Variants in FOXP1 observed in about 807,000 individuals in gnomAD.
The protein encoded by FOXP1 is forkhead box P1.
Under a neutral mutation model 98.2 loss-of-function variants are expected in FOXP1, and 15 were observed. That is an observed-to-expected ratio of 0.15 (90% CI 0.10 to 0.24). FOXP1 has a LOEUF of 0.24. FOXP1 is among the 10% of genes least tolerant of loss of function. The pLI, the probability that FOXP1 is intolerant of heterozygous loss-of-function variation, is 1.00. For synonymous variants in FOXP1, 371 were observed against 314.5 expected (o/e 1.18, Z -1.90); for missense variants, 633 against 848.5 (o/e 0.75, Z 3.15).
chr3:71,124,135 A>ATT lies in FOXP1; in HGVS notation c.181-11500_181-11499dup, dbSNP rs143622144. On this transcript the variant is annotated intron_variant, in intron 6 of 20. Transcript: ENST00000649528. ...AATTTAAAATAAAAGTTAAAGTTAT[A>ATT]TTTTTTTAAAAAAAAAATGATACAG... is the stretch of plus-strand genomic sequence containing the variant. 7.4e-4 allele frequency among the ~76,000 whole-genome samples: 110 copies of ATT among 148,368 alleles called. No homozygotes were observed. In the South Asian group the frequency reaches 0.023, roughly 30 times the overall value.
intron 3 of FOXP1, among the ~76,000 whole-genome samples, chr3:71,413,861 A>G (rs1169924848): frequency 6.6e-6 from 1 of 152,116 alleles, no homozygotes; most frequent in Non-Finnish European, 1.5e-5. Flanking sequence ...CGTTACCTGT[A>G]GGCACTTTTT....
intron 3 of FOXP1, among the ~76,000 whole-genome samples, chr3:71,468,493 G>C (rs921937881): frequency 1.3e-5 from 2 of 152,104 alleles, no homozygotes; most frequent in East Asian, 1.9e-4. Flanking sequence ...TTAGGTCTCT[G>C]GAGAACAGCG....
At chr3:71,383,015 G>C (rs767402164) in intron 3 of FOXP1, among the ~76,000 whole-genome samples, 1 of 152,136 alleles carries the variant, frequency 6.6e-6, no homozygotes, top group African/African-American at 2.4e-5. Flanking sequence ...CTTCAAGCTT[G>C]GTAGATGTTT....
chr3:71,212,883 C>A (rs72953328), intron 5 of FOXP1, among the ~76,000 whole-genome samples: 15,716 of 151,294 alleles, frequency 0.1, 897 homozygotes, highest in South Asian at 0.23. Context: ...TAGATTGTAT[C>A]ATTTCAGAAA....
At chr3:71,582,196 G>A in intron 1 of FOXP1, 1 of 985,004 alleles carries the variant, frequency 1.0e-6, no homozygotes, top group Non-Finnish European at 1.2e-6. Flanking sequence ...CCGGGACCAA[G>A]GCGGAGCTCA....
intron 2 of FOXP1, among the ~76,000 whole-genome samples, chr3:71,528,961 C>A (rs541071293): frequency 6.6e-6 from 1 of 152,178 alleles, no homozygotes; most frequent in African/African-American, 2.4e-5. Flanking sequence ...AACTAAGAAG[C>A]ATCTCTGGTT....
At chr3:71,378,645 C>T (rs1463478321) in intron 3 of FOXP1, among the ~76,000 whole-genome samples, 4 of 151,720 alleles carry the variant, frequency 2.6e-5, no homozygotes, top group African/African-American at 7.3e-5. Context: ...GCCTCAAAGT[C>T]GAAGAGTAGT....
intron 7 of FOXP1, among the ~76,000 whole-genome samples, chr3:71,077,359 T>C (rs182234898): frequency 1.3e-5 from 2 of 152,338 alleles, no homozygotes; most frequent in East Asian, 3.9e-4. Context: ...CTCTTGTTAA[T>C]TTTTATTTAC....
intron 5 of FOXP1, among the ~76,000 whole-genome samples, chr3:71,212,019 G>C (rs748636729): frequency 6.6e-6 from 1 of 152,134 alleles, no homozygotes. Context: ...ATTAAATTCT[G>C]CTAGAACCTG....
intron 6 of FOXP1, among the ~76,000 whole-genome samples, chr3:71,153,544 A>AG (rs1472415307): frequency 9.1e-6 from 1 of 110,332 alleles, no homozygotes; most frequent in African/African-American, 3.2e-5. Context: ...ACCATGCTTG[A>AG]GAAAAAAAAA....
chr3:71,124,100 T>G (rs1315862098), intron 6 of FOXP1, among the ~76,000 whole-genome samples: 2 of 151,142 alleles, frequency 1.3e-5, no homozygotes, highest in African/African-American at 4.9e-5. Flanking sequence ...AATCTGCACA[T>G]GTACCCATGA....
At chr3:71,546,952 A>C (rs1218645902) in intron 2 of FOXP1, among the ~76,000 whole-genome samples, 2 of 152,204 alleles carry the variant, frequency 1.3e-5, no homozygotes. Flanking sequence ...GGGGAGAGAG[A>C]CAGAGACACA....
chr3:71,231,791 C>A (rs2066309498), intron 5 of FOXP1, among the ~76,000 whole-genome samples: 1 of 152,162 alleles, frequency 6.6e-6, no homozygotes, highest in African/African-American at 2.4e-5. Flanking sequence ...AGATTATGGT[C>A]TATGGAGATA....
At chr3:71,427,303 GGGAGAC>G (rs2084250217) in intron 3 of FOXP1, among the ~76,000 whole-genome samples, 1 of 152,152 alleles carries the variant, frequency 6.6e-6, no homozygotes, top group Admixed American at 6.5e-5. Flanking sequence ...AAACGGAGAA[GGGAGAC>G]AAAGCATTTC....
rs576414448 is a variant in FOXP1 at position 71,394,471 on chromosome 3, A to C, written c.-167-35227T>G. Among the ~76,000 whole-genome samples, 10 of 152,340 alleles carry C rather than the reference A, an allele frequency of 6.6e-5. No homozygotes were observed. The South Asian group carries it at 1.7e-3, about 25-fold the overall frequency. The stretch of plus-strand genomic sequence containing the variant: ...ATGAGGGAAAAAGGTAACTATACCC[A>C]CCATGAATTTGTCTGCTAGGTTTCT... On this transcript the variant is annotated intron_variant, in intron 3 of 20. Transcript: ENST00000649528.
intron 12 of FOXP1, among the ~76,000 whole-genome samples, chr3:71,014,130 C>A (rs1353980995): frequency 2.0e-5 from 3 of 152,174 alleles, no homozygotes; most frequent in Non-Finnish European, 4.4e-5. Context: ...AAAGCAATGG[C>A]AACAAAAGCC....
intron 3 of FOXP1, among the ~76,000 whole-genome samples, chr3:71,364,877 G>A (rs994143889): frequency 2.6e-5 from 4 of 152,144 alleles, no homozygotes; most frequent in Admixed American, 6.5e-5. Flanking sequence ...CATCCTTAAC[G>A]TGATAGCTGT....
intron 2 of FOXP1, among the ~76,000 whole-genome samples, chr3:71,527,599 T>C (rs1423789893): frequency 2.6e-5 from 4 of 152,194 alleles, no homozygotes; most frequent in Admixed American, 6.5e-5. Flanking sequence ...TCCACTACCA[T>C]CCATGACTAA....
intron 13 of FOXP1, among the ~76,000 whole-genome samples, chr3:70,999,837 A>G (rs555840677): frequency 1.3e-5 from 2 of 152,318 alleles, no homozygotes; most frequent in East Asian, 1.9e-4. Context: ...GGCTCTCCAT[A>G]TATCTCAGCA....
Sources: allele counts gnomAD v4.1 joint callset (sites outside exome capture counted in the v4.1 genomes callset), GRCh38; gene constraint gnomAD v4.1.1; transcripts MANE v1.5; gene names NCBI Gene and HGNC (gene_info 2026-07-23, HGNC 2026-07-21).